CABLES2: variants seen among roughly 807,000 people sequenced by gnomAD.
CABLES2 encodes Cdk5 and Abl enzyme substrate 2.
A neutral mutation model predicts 44.8 loss-of-function variants in CABLES2; 35 were observed. The observed-to-expected ratio is 0.78, with a 90% CI of 0.60 to 1.04. CABLES2 has a LOEUF of 1.04. Among genes scored for constraint, CABLES2 ranks in the 50% least tolerant of loss-of-function variants. CABLES2 has a pLI of 0.00. For missense variants in CABLES2, 566 were observed against 615.7 expected (o/e 0.92, Z 0.85); for synonymous variants, 282 against 281.1 (o/e 1.00, Z -0.03).
In CABLES2 at chr20:62,392,427, C is replaced by T. The variant is rs988699190; in HGVS notation, c.1053G>A (p.Lys351=). Residue 351 remains lysine, a synonymous_variant, in exon 8 of 10, where the codon AAG becomes AAA. Coordinates refer to ENST00000279101, the MANE Select transcript of CABLES2 (RefSeq NM_031215.3). ...KKDMNETFRE[K]FPHVKLTLSK... ...TCAGCGTCAGTTTGACATGGGGGAA[C>T]TTCTCCCTGAAGGTCTCGTTCATGT... 2.5e-6 allele frequency: 4 copies of T among 1,613,972 alleles called. No individual in the cohort carries two copies. Among genetic ancestry groups the T allele is most frequent in the Non-Finnish European group, 2.5e-6 (3 of 1,179,992 alleles).
chr20:62,398,143 T>C lies in CABLES2; in HGVS notation c.363-1551A>G, dbSNP rs1200221558. Among the ~76,000 whole-genome samples, 132 of 131,424 alleles carry C rather than the reference T, an allele frequency of 1.0e-3. 6 individuals are homozygous for C. The East Asian group carries it at 0.024, about 24-fold the overall frequency. 86.2% of individuals were successfully genotyped at this position (131,424 alleles called of 152,430 possible). A position where few individuals can be genotyped will look rare whatever the true frequency, so the allele number is the denominator to read the frequency against. On this transcript the variant is annotated intron_variant, in intron 1 of 9. Coordinates refer to ENST00000279101, the MANE Select transcript of CABLES2 (RefSeq NM_031215.3). ...GTGGTGGTTATGACGGTGGTGATGG[T>C]GGTGGTGGTGGTGACGGTGATGGTG...
chr20:62,398,181 G>GA (rs1988104535), intron 1 of CABLES2, among the ~76,000 whole-genome samples: 1 of 55,970 alleles, frequency 1.8e-5, no homozygotes, highest in Non-Finnish European at 3.0e-5. Flanking sequence ...AATGGTGGTG[G>GA]TGGTGATGGT....
intron 1 of CABLES2, 117 bp downstream of exon 1, chr20:62,406,798 T>TTGTCCTGGGC (rs1988301062): frequency 1.9e-6 from 1 of 533,922 alleles, no homozygotes; most frequent in Admixed American, 5.2e-5. Flanking sequence ...CCTGACCCCC[T>TTGTCCTGGGC]TGTCCTGGGC....
At chr20:62,399,301 A>AG (rs1340435102) in intron 1 of CABLES2, among the ~76,000 whole-genome samples, 3 of 149,536 alleles carry the variant, frequency 2.0e-5, no homozygotes, top group Non-Finnish European at 4.4e-5. Flanking sequence ...GCTGGAGTGG[A>AG]GGGGGCGCCA....
Position 62,396,531 on chromosome 20 carries a change from G to C in CABLES2, c.424C>G (p.Pro142Ala). Reference protein sequence around the residue: ...EFLEDAVGCAPAQRTKHTSGS... With the variant: ...EFLEDAVGCAAAQRTKHTSGS... ...GACGGGGGCGTGTACCTCTGTGCTG[G>C]AGCGCATCCCACGGCATCTTCCAGA... is the stretch of plus-strand genomic sequence containing the variant. Residue 142 changes from proline (P) to alanine (A), a missense_variant, in exon 2 of 10, where the codon CCA becomes GCA. By Grantham distance (27) the Pro-to-Ala change is conservative. Coordinates refer to ENST00000279101, the MANE Select transcript of CABLES2 (RefSeq NM_031215.3). This position sits in a 1 kb window ranked among gnomAD's most constrained non-coding sequence, Gnocchi z 5.7. 2 of 1,613,856 alleles carry C rather than the reference G, an allele frequency of 1.2e-6. No homozygotes were observed. The highest frequency in any genetic ancestry group is 1.7e-6 in the Non-Finnish European group (2 of 1,179,964).
rs928629346 is a variant in CABLES2 at position 62,391,878 on chromosome 20, G to A, written c.1092-425C>T. Among the ~76,000 whole-genome samples the A allele has an allele frequency of 2.4e-4, 36 of 152,112 alleles. No individual in the cohort carries two copies. The highest frequency in any genetic ancestry group is 7.4e-5 in the Non-Finnish European group (5 of 68,024). On this transcript the variant is annotated intron_variant, in intron 8 of 9. Transcript: ENST00000279101. The surrounding 1 kb of genome is among the most constrained non-coding windows in gnomAD (Gnocchi z 5.7). ...CAGGGCAGGCCCCCAGTACAGGGCC[G>A]TGGCCAGGAGCCCGACGTGAGCCCA...
intron 1 of CABLES2, among the ~76,000 whole-genome samples, chr20:62,406,705 C>T (rs1009421967): frequency 6.6e-6 from 1 of 150,672 alleles, no homozygotes; most frequent in African/African-American, 2.5e-5. Flanking sequence ...TCACCTGAAC[C>T]TCTGTCCAGG....
intron 1 of CABLES2, among the ~76,000 whole-genome samples, chr20:62,401,468 T>C (rs6089361): frequency 0.18 from 27,618 of 152,160 alleles, 2,727 homozygotes; most frequent in Middle Eastern, 0.26. Flanking sequence ...CATTGCTTGG[T>C]GCCTCTGGAG....
chr20:62,402,433 C>A (rs1228970732), intron 1 of CABLES2: 1 of 152,236 alleles, frequency 6.6e-6, no homozygotes, highest in Non-Finnish European at 1.5e-5. Flanking sequence ...GTTGAAATGA[C>A]CTTGACGGTG....
Position 62,396,505 on chromosome 20 carries a change from G to C in CABLES2, c.434+16C>G, listed in dbSNP as rs774287602. ...CGAGCGGAGTCGTAGAGCTCGGGGC[G>C]GACGGGGGCGTGTACCTCTGTGCTG... On this transcript the variant is annotated intron_variant, in intron 2 of 9. Coordinates refer to ENST00000279101, the MANE Select transcript of CABLES2 (RefSeq NM_031215.3). This position sits in a 1 kb window ranked among gnomAD's most constrained non-coding sequence, Gnocchi z 5.7. 1 of 1,613,806 alleles carries C rather than the reference G, an allele frequency of 6.2e-7. No homozygotes were observed. Among genetic ancestry groups the C allele is most frequent in the Non-Finnish European group, 8.5e-7 (1 of 1,179,934 alleles).
chr20:62,395,267 G>A (rs928148298), intron 3 of CABLES2, among the ~76,000 whole-genome samples: 31 of 152,122 alleles, frequency 2.0e-4, no homozygotes, highest in African/African-American at 7.5e-4. Context: ...GGACGCCGCT[G>A]CACGTGGGCA....
chr20:62,391,511 G>C lies in CABLES2; in HGVS notation c.1092-58C>G. The stretch of plus-strand genomic sequence containing the variant: ...GGCTCTGGCTGGGGCTGAGGAGGCA[G>C]CCCCCTGCCACCACCAACCGAGGCT... On this transcript the variant is annotated intron_variant, in intron 8 of 9. Coordinates refer to ENST00000279101, the MANE Select transcript of CABLES2 (RefSeq NM_031215.3). The surrounding 1 kb of genome is among the most constrained non-coding windows in gnomAD (Gnocchi z 5.7). 6.4e-7 allele frequency: 1 copy of C among 1,566,116 alleles called. No homozygotes were observed.
Position 62,398,088 on chromosome 20 carries a change from A to ATGGTGGTGGTGGTGATGG in CABLES2, c.363-1497_363-1496insCCATCACCACCACCACCA, listed in dbSNP as rs1569017555. Among the ~76,000 whole-genome samples the ATGGTGGTGGTGGTGATGG allele has an allele frequency of 1.9e-4, 10 of 52,162 alleles. 1 individual carries two copies. Among genetic ancestry groups the ATGGTGGTGGTGGTGATGG allele is most frequent in the African/African-American group, 3.6e-4 (5 of 14,000 alleles). The allele number at this position is 52,162 out of a possible 152,430, so 34.2% of individuals were successfully genotyped here. ...GGTGGTGACGGTGGTGGTGGTGGTG[A>ATGGTGGTGGTGGTGATGG]CGGTGGTGGTGGTGGTGATGGTGGT... On this transcript the variant is annotated intron_variant, in intron 1 of 9. Coordinates refer to ENST00000279101, the MANE Select transcript of CABLES2 (RefSeq NM_031215.3).
At chr20:62,406,006 G>A (rs1988276322) in intron 1 of CABLES2, 1 of 153,662 alleles carries the variant, frequency 6.5e-6, no homozygotes, top group South Asian at 2.1e-4. Context: ...GGACAGGCAG[G>A]GCTCATGGTT....
rs778885001 is a variant in CABLES2, at chr20:62,394,213, C to A, written c.658G>T (p.Val220Leu). The A allele has an allele frequency of 6.2e-7, 1 of 1,613,652 alleles. No individual in the cohort carries two copies. The highest frequency in any genetic ancestry group is 1.1e-5 in the South Asian group (1 of 91,084). The change falls in exon 5 of 10, where the codon GTG becomes TTG. Residue 220 changes from valine to leucine, a missense_variant. Around this residue, in one of 2 missense-constraint regions of CABLES2, gnomAD observed 436 missense variants for 536.3 expected, o/e 0.81. Transcript: ENST00000279101. ...KQRHPSGGVS[V>L]SSEMVFELEG... is the part of the protein sequence containing the mutation. ...AGCTCAAAGACCATCTCGGAAGACA[C>A]AGAGACGCCGCCGGACGGGTGCCTC...
rs1029426993 is a variant in CABLES2 at position 62,391,154 on chromosome 20, C to T, written c.1297-43G>A. On this transcript the variant is annotated intron_variant, in intron 9 of 9. Transcript: ENST00000279101. This position sits in a 1 kb window ranked among gnomAD's most constrained non-coding sequence, Gnocchi z 5.7. ...GAAGGGTTACACGGGAGCCTTCCCT[C>T]TTCCACATTTCCCACCCGGCCAGCC... 1 of 1,607,742 alleles carries T rather than the reference C, an allele frequency of 6.2e-7. No individual in the cohort carries two copies. The highest frequency in any genetic ancestry group is 8.5e-7 in the Non-Finnish European group (1 of 1,174,890).
In CABLES2 at chr20:62,391,126, A is replaced by G; in HGVS notation, c.1297-15T>C. 1 of 1,613,692 alleles carries G rather than the reference A, an allele frequency of 6.2e-7. No homozygotes were observed. Among genetic ancestry groups the G allele is most frequent in the Non-Finnish European group, 8.5e-7 (1 of 1,179,738 alleles). ...TCTTCTAACTTCTGCAGGGGAGAAG[A>G]GAGAAGGGTTACACGGGAGCCTTCC... On this transcript the variant is annotated splice_polypyrimidine_tract_variant and intron_variant, in intron 9 of 9. Coordinates refer to ENST00000279101, the MANE Select transcript of CABLES2 (RefSeq NM_031215.3). This position sits in a 1 kb window ranked among gnomAD's most constrained non-coding sequence, Gnocchi z 5.7.
Position 62,396,575 on chromosome 20 carries a change from TG to T in CABLES2, c.379del (p.Gln127SerfsTer32), listed in dbSNP as rs1282284605. 6.2e-7 allele frequency: 1 copy of T among 1,613,222 alleles called. No homozygotes were observed. The part of the protein sequence containing the change: ...GQRQRKRVTS[Q>X]RCSLEFLEDA... ...TTCCAGAAACTCCAGGGAGCAGCGC[TG>T]GGACGTGACTCGCTTCCTGCAAGAT... On this transcript the variant is annotated frameshift_variant, in exon 2 of 10. Transcript: ENST00000279101. LOFTEE classifies it high-confidence loss of function. This position sits in a 1 kb window ranked among gnomAD's most constrained non-coding sequence, Gnocchi z 5.7.
rs1988309299 is a variant in CABLES2, at chr20:62,407,061, C to T, written c.216G>A (p.Pro72=). 3.7e-6 allele frequency: 4 copies of T among 1,084,126 alleles called. No individual in the cohort carries two copies. The highest frequency in any genetic ancestry group is 5.3e-5 in the Admixed American group (1 of 19,014). The allele number at this position is 1,084,126 out of a possible 1,614,324, so 67.2% of individuals were successfully genotyped here. A position where few individuals can be genotyped will look rare whatever the true frequency, so the allele number is the denominator to read the frequency against. The change falls in exon 1 of 10, where the codon CCG becomes CCA. Residue 72 remains proline, a synonymous_variant. Transcript: ENST00000279101. ...GTTCGCGGGCCTCGGCGGGCGGCGG[C>T]GGGGGCTTCTCTCCGCCCGGGCCCA... ...PSLGPGGEKP[P]PPPAEAREPP...
Sources: gnomAD v4.1 joint callset for allele counts (sites outside exome capture counted in the v4.1 genomes callset) on GRCh38, gnomAD v4.1.1 for gene constraint, gnomAD v4.1.1 regional missense constraint, Gnocchi (gnomAD v3.1) non-coding constraint, MANE v1.5 for transcripts, NCBI Gene and HGNC (gene_info 2026-07-23, HGNC 2026-07-21) for gene names.